Variants in MBD5 observed in about 807,000 individuals in gnomAD.
The protein encoded by MBD5 is methyl-CpG binding domain protein 5, also known as methyl-CpG-binding domain protein 5.
Under a neutral mutation model 117.3 loss-of-function variants are expected in MBD5, and 13 were observed. That is an observed-to-expected ratio of 0.11 (90% CI 0.07 to 0.18). The LOEUF (loss-of-function observed/expected upper bound fraction) is 0.18, where lower values mean the gene tolerates loss of function less well. Ranked by LOEUF, MBD5 falls within the 10% of genes least tolerant of loss-of-function variation. MBD5 has a pLI of 1.00. For synonymous variants in MBD5, 727 were observed against 766.4 expected, an observed-to-expected ratio of 0.95 and a Z score of 0.85; for missense variants, 1,879 against 2,093.8, an observed-to-expected ratio of 0.90 and a Z score of 2.00.
intron 7 of MBD5, among the ~76,000 whole-genome samples, chr2:148,466,513 G>A (rs1362255392): frequency 6.6e-6 from 1 of 152,092 alleles, no homozygotes; most frequent in Non-Finnish European, 1.5e-5. Flanking sequence ...AAGAAAAAAT[G>A]CAAGTAGGTT....
At chr2:148,178,022 G>A (rs916443847) in intron 1 of MBD5, among the ~76,000 whole-genome samples, 2 of 152,116 alleles carry the variant, frequency 1.3e-5, no homozygotes, top group African/African-American at 4.8e-5. Context: ...TACATATTAA[G>A]TATGGCACTG....
At chr2:148,198,503 A>G (rs1325443015) in intron 2 of MBD5, among the ~76,000 whole-genome samples, 1 of 152,130 alleles carries the variant, frequency 6.6e-6, no homozygotes, top group Non-Finnish European at 1.5e-5. Flanking sequence ...AAGAACAATA[A>G]ATAAGTCTAG....
At chr2:148,341,274 A>C (rs150822208) in intron 3 of MBD5, among the ~76,000 whole-genome samples, 122 of 151,566 alleles carry the variant, frequency 8.0e-4, no homozygotes, top group African/African-American at 2.8e-3. Context: ...GTGTGCATAC[A>C]TCAGGCTGCT....
intron 4 of MBD5, among the ~76,000 whole-genome samples, chr2:148,363,297 A>G (rs1703595271): frequency 1.3e-5 from 2 of 152,138 alleles, no homozygotes; most frequent in South Asian, 4.2e-4. Context: ...CAGTGGCGCA[A>G]TCTTGGCTCA....
intron 10 of MBD5, among the ~76,000 whole-genome samples, chr2:148,488,708 C>G (rs1681418039): frequency 6.6e-6 from 1 of 151,960 alleles, no homozygotes; most frequent in Non-Finnish European, 1.5e-5. Flanking sequence ...TCAAACTGCC[C>G]TCATCCTTCC....
intron 1 of MBD5, among the ~76,000 whole-genome samples, chr2:148,056,786 G>A (rs948325300): frequency 6.6e-6 from 1 of 151,884 alleles, no homozygotes; most frequent in Non-Finnish European, 1.5e-5. Flanking sequence ...TTCTCTGGAA[G>A]TTTTGTATAA....
At chr2:148,236,158 C>G (rs990693484) in intron 3 of MBD5, among the ~76,000 whole-genome samples, 29 of 151,844 alleles carry the variant, frequency 1.9e-4, no homozygotes, top group East Asian at 3.9e-4. Context: ...CAGGCAAGAC[C>G]CTTTATTATG....
At chr2:148,270,577 T>A (rs567727388) in intron 3 of MBD5, among the ~76,000 whole-genome samples, 3 of 151,970 alleles carry the variant, frequency 2.0e-5, no homozygotes, top group African/African-American at 7.2e-5. Context: ...TTAGTAGAGA[T>A]GGGGTTTCAC....
intron 4 of MBD5, among the ~76,000 whole-genome samples, chr2:148,440,554 T>C (rs1476641124): frequency 1.3e-5 from 2 of 151,874 alleles, no homozygotes; most frequent in Admixed American, 6.6e-5. Context: ...AGAACTTTTC[T>C]ATCTATGGTT....
intron 1 of MBD5, among the ~76,000 whole-genome samples, chr2:148,110,337 T>G (rs1696477789): frequency 6.6e-6 from 1 of 152,158 alleles, no homozygotes; most frequent in Admixed American, 6.5e-5. Flanking sequence ...AAAACTGTTT[T>G]GTGATTGTTG....
In MBD5 at chr2:148,512,915, C is replaced by T. The variant is rs1315986489; in HGVS notation, c.5158C>T (p.Pro1720Ser). 6 of 1,613,746 alleles carry T rather than the reference C, an allele frequency of 3.7e-6. No individual in the cohort carries two copies. Among genetic ancestry groups the T allele is most frequent in the Non-Finnish European group, 5.1e-6 (6 of 1,179,856 alleles). ...TGACAGACAAATGAGACCCCCCAAA[C>T]CCAAGAGGAGGAAGATCTCCAGATA... is the stretch of plus-strand genomic sequence containing the variant. ...QGDRQMRPPK[P>S]KRRKISR is the part of the protein sequence containing the mutation. Residue 1720 changes from proline to serine, a missense_variant, in exon 14 of 14, where the codon CCC becomes TCC. Physicochemically the swap from Pro to Ser is moderately conservative, Grantham distance 74. Around this residue, in one of 4 missense-constraint regions of MBD5, gnomAD observed 135 missense variants for 148.0 expected, o/e 0.91. Transcript: ENST00000642680.
chr2:148,418,797 C>A (rs1303551617), intron 4 of MBD5, among the ~76,000 whole-genome samples: 3 of 151,990 alleles, frequency 2.0e-5, no homozygotes, highest in Non-Finnish European at 4.4e-5. Context: ...GACCATAGTG[C>A]CCCAAACAAT....
chr2:148,177,027 G>A (rs2105831526), intron 1 of MBD5, among the ~76,000 whole-genome samples: 1 of 152,226 alleles, frequency 6.6e-6, no homozygotes, highest in Admixed American at 6.5e-5. Context: ...GTTTACCTAA[G>A]AGGATAGCAA....
At chr2:148,509,585 C>G (rs1466468114) in intron 12 of MBD5, among the ~76,000 whole-genome samples, 1 of 152,212 alleles carries the variant, frequency 6.6e-6, no homozygotes, top group Non-Finnish European at 1.5e-5. Context: ...ACTTGCTCAA[C>G]TCCAGAGCCA....
At chr2:148,203,835 T>C (rs1443126116) in intron 2 of MBD5, among the ~76,000 whole-genome samples, 1 of 152,122 alleles carries the variant, frequency 6.6e-6, no homozygotes, top group Non-Finnish European at 1.5e-5. Flanking sequence ...ATGTTATGTG[T>C]ACGATCAGAG....
chr2:148,425,182 T>TA (rs958675022), intron 4 of MBD5, among the ~76,000 whole-genome samples: 99 of 151,044 alleles, frequency 6.6e-4, no homozygotes, highest in African/African-American at 2.2e-3. Context: ...CTAGACACAA[T>TA]AAAAAAAATG....
intron 3 of MBD5, among the ~76,000 whole-genome samples, chr2:148,259,560 A>C (rs1293309680): frequency 1.3e-5 from 2 of 152,296 alleles, no homozygotes; most frequent in East Asian, 3.9e-4. Context: ...GTTCTAACTG[A>C]GGTCCAAGGG....
intron 1 of MBD5, among the ~76,000 whole-genome samples, chr2:148,078,338 A>G (rs890696712): frequency 6.6e-6 from 1 of 152,110 alleles, no homozygotes; most frequent in African/African-American, 2.4e-5. Flanking sequence ...GAGCTTATAT[A>G]CTAGATGTCC....
intron 1 of MBD5, among the ~76,000 whole-genome samples, chr2:148,078,885 TA>T (rs1265398735): frequency 1.3e-5 from 2 of 152,224 alleles, no homozygotes; most frequent in African/African-American, 4.8e-5. Context: ...TTTAATATTG[TA>T]AAAGAACAAG....
Sources: allele counts gnomAD v4.1 joint callset (sites outside exome capture counted in the v4.1 genomes callset), GRCh38; gene constraint gnomAD v4.1.1; regional missense constraint gnomAD v4.1.1; transcripts MANE v1.5; gene names NCBI Gene and HGNC (gene_info 2026-07-23, HGNC 2026-07-21).